The following TMTC1 variants were observed in gnomAD, a reference collection of about 807,000 sequenced individuals.
TMTC1 encodes transmembrane O-mannosyltransferase targeting cadherins 1, also known as protein O-mannosyl-transferase TMTC1.
TMTC1 carries 73 observed loss-of-function variants against 104.8 expected under a neutral mutation model. The ratio of observed to expected loss-of-function variants is 0.70; its 90% CI spans 0.58 to 0.85. The LOEUF (loss-of-function observed/expected upper bound fraction) is 0.85, where lower values mean the gene tolerates loss of function less well. TMTC1 is among the 40% of genes least tolerant of loss of function. The probability of loss-of-function intolerance (pLI) is 0.00; values close to 1 mark genes in which losing one functional copy is unlikely to be tolerated. For missense variants in TMTC1, 1,035 were observed against 1,096.1 expected (o/e 0.94, Z 0.79); for synonymous variants, 434 against 428.7 (o/e 1.01, Z -0.15).
At chr12:29,540,144 T>G (rs1007084599) in intron 10 of TMTC1, among the ~76,000 whole-genome samples, 1 of 152,114 alleles carries the variant, frequency 6.6e-6, no homozygotes, top group Non-Finnish European at 1.5e-5. Context: ...TTCTCTGAGA[T>G]CCTAGTGAAG....
At chr12:29,536,349 C>T (rs1944643226) in intron 10 of TMTC1, 32 bp from the exon 11 acceptor site, 1 of 1,338,978 alleles carries the variant, frequency 7.5e-7, no homozygotes, top group Non-Finnish European at 1.1e-6. Context: ...TGGGGGAGAA[C>T]ATCTTTTAAT....
intron 1 of TMTC1, among the ~76,000 whole-genome samples, chr12:29,773,872 C>T (rs1300204473): frequency 6.6e-6 from 1 of 152,150 alleles, no homozygotes; most frequent in Non-Finnish European, 1.5e-5. Context: ...AAGTCCACCT[C>T]AATGGCAGCA....
intron 9 of TMTC1, among the ~76,000 whole-genome samples, chr12:29,566,126 G>A (rs1945506854): frequency 6.6e-6 from 1 of 152,068 alleles, no homozygotes; most frequent in Non-Finnish European, 1.5e-5. Context: ...GGGTGGCCCA[G>A]GGAGGCCTCA....
chr12:29,727,785 T>TTTTTGTTGTTTTTTG (rs68082473), intron 5 of TMTC1, among the ~76,000 whole-genome samples: 12,769 of 151,814 alleles, frequency 0.084, 633 homozygotes, highest in Middle Eastern at 0.14. Context: ...TTGTAGCAGT[T>TTTTTGTTGTTTTTTG]TTTTGTTTTG....
chr12:29,738,994 T>C (rs1182871646), intron 5 of TMTC1, among the ~76,000 whole-genome samples: 1 of 152,236 alleles, frequency 6.6e-6, no homozygotes, highest in Non-Finnish European at 1.5e-5. Context: ...TCAATTATGA[T>C]AAAAATCTCA....
chr12:29,699,368 A>C (rs1294982766), intron 5 of TMTC1, among the ~76,000 whole-genome samples: 1 of 152,226 alleles, frequency 6.6e-6, no homozygotes, highest in Admixed American at 6.5e-5. Context: ...AGCTCTGAGA[A>C]AACAGTAAAG....
intron 5 of TMTC1, among the ~76,000 whole-genome samples, chr12:29,746,366 C>T (rs1237395455): frequency 4.6e-5 from 7 of 152,172 alleles, no homozygotes; most frequent in African/African-American, 1.4e-4. Context: ...ATCAATAATA[C>T]AGGCTTTCAA....
intron 5 of TMTC1, among the ~76,000 whole-genome samples, chr12:29,662,969 A>G (rs907737011): frequency 6.6e-6 from 1 of 152,184 alleles, no homozygotes; most frequent in Admixed American, 6.5e-5. Context: ...TTAGCTGCCA[A>G]CAGAGAGCTT....
chr12:29,717,101 A>T (rs1942106257), intron 5 of TMTC1, among the ~76,000 whole-genome samples: 1 of 152,254 alleles, frequency 6.6e-6, no homozygotes, highest in Non-Finnish European at 1.5e-5. Flanking sequence ...ATATAATGGT[A>T]GATAAATCAC....
intron 10 of TMTC1, among the ~76,000 whole-genome samples, chr12:29,538,534 GA>G (rs11388932): frequency 6.6e-6 from 1 of 150,872 alleles, no homozygotes; most frequent in Admixed American, 6.6e-5. Flanking sequence ...AATCAGGAGA[GA>G]AAAAAAAACC....
intron 1 of TMTC1, among the ~76,000 whole-genome samples, chr12:29,771,720 G>A (rs571432078): frequency 6.6e-6 from 1 of 152,186 alleles, no homozygotes; most frequent in Non-Finnish European, 1.5e-5. Flanking sequence ...AAGTGGGGCA[G>A]CAGACAGTCA....
chr12:29,770,631 C>T (rs1256257608), intron 1 of TMTC1, among the ~76,000 whole-genome samples: 2 of 152,056 alleles, frequency 1.3e-5, no homozygotes, highest in Non-Finnish European at 2.9e-5. Context: ...GAGGAGTCCC[C>T]GCAGTAATGA....
intron 5 of TMTC1, among the ~76,000 whole-genome samples, chr12:29,701,328 G>T (rs1049166496): frequency 1.3e-5 from 2 of 152,106 alleles, no homozygotes; most frequent in African/African-American, 4.8e-5. Context: ...TTTTGCCTTA[G>T]GCTACACTCA....
chr12:29,725,562 A>C (rs938617410), intron 5 of TMTC1, among the ~76,000 whole-genome samples: 1 of 152,220 alleles, frequency 6.6e-6, no homozygotes, highest in Non-Finnish European at 1.5e-5. Flanking sequence ...TAATAAAGGC[A>C]GAATTGAAAG....
intron 7 of TMTC1, among the ~76,000 whole-genome samples, chr12:29,592,059 G>C (rs887033152): frequency 5.3e-5 from 8 of 152,188 alleles, no homozygotes; most frequent in Non-Finnish European, 1.0e-4. Context: ...GCAACAAAGA[G>C]TATCTTTCTG....
At chr12:29,646,631 TTAAA>T (rs1591856541) in intron 5 of TMTC1, among the ~76,000 whole-genome samples, 1 of 152,154 alleles carries the variant, frequency 6.6e-6, no homozygotes, top group Admixed American at 6.6e-5. Flanking sequence ...TTGTGACAAA[TTAAA>T]TAAATTATGA....
At chr12:29,725,293 C>A (rs538919431) in intron 5 of TMTC1, among the ~76,000 whole-genome samples, 1 of 151,830 alleles carries the variant, frequency 6.6e-6, no homozygotes, top group Admixed American at 6.6e-5. Flanking sequence ...TCCGAAAGTG[C>A]TAGGATTACA....
Position 29,514,627 on chromosome 12 carries a change from CAG to C in TMTC1, c.2308-25_2308-24del, listed in dbSNP as rs1423773104. The C allele has an allele frequency of 1.9e-6, 3 of 1,597,230 alleles. No homozygotes were observed. The African/African-American group carries it at 4.1e-5, about 22-fold the overall frequency. On this transcript the variant is annotated intron_variant, in intron 15 of 17. Coordinates refer to ENST00000539277, the MANE Select transcript of TMTC1 (RefSeq NM_001193451.2). ...TGCCTGCAGAGGTTGGAAATTAAGA[CAG>C]AATAAATGCAGATTAGGTAAAGAAA...
At chr12:29,630,193 T>C (rs1938223997) in intron 6 of TMTC1, among the ~76,000 whole-genome samples, 1 of 152,198 alleles carries the variant, frequency 6.6e-6, no homozygotes, top group Non-Finnish European at 1.5e-5. Flanking sequence ...TTTATGCTGC[T>C]ATGAAGAAAT....
Sources: allele counts gnomAD v4.1 joint callset (sites outside exome capture counted in the v4.1 genomes callset), GRCh38; gene constraint gnomAD v4.1.1; transcripts MANE v1.5; gene names NCBI Gene and HGNC (gene_info 2026-07-23, HGNC 2026-07-21).